STOX2: variants seen among roughly 807,000 people sequenced by gnomAD.
The protein encoded by STOX2 is storkhead-box protein 2.
A neutral mutation model predicts 60.9 loss-of-function variants in STOX2; 28 were observed. The ratio of observed to expected loss-of-function variants is 0.46; its 90% CI spans 0.34 to 0.63. STOX2 has a LOEUF of 0.63. Ranked by LOEUF, STOX2 falls within the 30% of genes least tolerant of loss-of-function variation. The pLI, the probability that STOX2 is intolerant of heterozygous loss-of-function variation, is 0.01. For synonymous variants in STOX2, 472 were observed against 463.9 expected (o/e 1.02, Z -0.22); for missense variants, 1,024 against 1,187.7 (o/e 0.86, Z 2.03).
intron 2 of STOX2, among the ~76,000 whole-genome samples, chr4:184,003,363 C>T (rs534491854): frequency 6.6e-6 from 1 of 152,316 alleles, no homozygotes; most frequent in Non-Finnish European, 1.5e-5. Flanking sequence ...CAGCTGATAA[C>T]AATATCACTA....
At chr4:183,908,413 T>G (rs1394026756) in intron 1 of STOX2, among the ~76,000 whole-genome samples, 1 of 152,110 alleles carries the variant, frequency 6.6e-6, no homozygotes, top group Non-Finnish European at 1.5e-5. Flanking sequence ...TAATCCTGGG[T>G]TTCATGTACT....
chr4:183,968,197 A>G (rs1272596492), intron 1 of STOX2, among the ~76,000 whole-genome samples: 1 of 152,152 alleles, frequency 6.6e-6, no homozygotes, highest in Non-Finnish European at 1.5e-5. Flanking sequence ...ACGTTCAAAG[A>G]ACACTTCAAT....
At chr4:183,896,879 C>T (rs146226240) in intron 1 of STOX2, among the ~76,000 whole-genome samples, 23 of 152,158 alleles carry the variant, frequency 1.5e-4, no homozygotes, top group African/African-American at 5.5e-4. Context: ...TTTTGCTGAC[C>T]TTTTTTGAAT....
chr4:183,937,322 G>A (rs537519202), intron 1 of STOX2, among the ~76,000 whole-genome samples: 1 of 152,290 alleles, frequency 6.6e-6, no homozygotes, highest in Non-Finnish European at 1.5e-5. Context: ...TTCCTGTTTA[G>A]ACACAGCTTT....
intron 1 of STOX2, chr4:183,798,135 C>A: frequency 8.4e-7 from 1 of 1,195,360 alleles, no homozygotes; most frequent in South Asian, 4.3e-5. Flanking sequence ...GTGCCCCGCC[C>A]TGCCCCAGCC....
intron 2 of STOX2, among the ~76,000 whole-genome samples, chr4:184,006,063 A>G (rs1479524604): frequency 6.6e-6 from 1 of 152,184 alleles, no homozygotes; most frequent in Non-Finnish European, 1.5e-5. Flanking sequence ...TGTAGTCATA[A>G]TTCTATACAT....
At chr4:183,926,466 T>A (rs1056714608) in intron 1 of STOX2, among the ~76,000 whole-genome samples, 1 of 152,222 alleles carries the variant, frequency 6.6e-6, no homozygotes, top group Non-Finnish European at 1.5e-5. Flanking sequence ...AGGTTGGTAT[T>A]ATAATTATAT....
Position 184,010,931 on chromosome 4 carries a change from T to G in STOX2, c.2093T>G (p.Phe698Cys). 2.5e-6 allele frequency: 4 copies of G among 1,613,502 alleles called. No homozygotes were observed. The highest frequency in any genetic ancestry group is 3.4e-6 in the Non-Finnish European group (4 of 1,179,660). ...AGCTTGGACAAGAGGAAAGAGATAT[T>G]TAGCAAAGACACACTGTTCAAACCT... ...PSSLDKRKEI[F>C]SKDTLFKPLH... Residue 698 changes from phenylalanine (F) to cysteine (C), a missense_variant, in exon 3 of 4, where the codon TTT becomes TGT. Physicochemically the swap from Phe to Cys is radical, Grantham distance 205 (BLOSUM62 -2). Transcript: ENST00000308497. The surrounding 1 kb of genome is among the most constrained non-coding windows in gnomAD (Gnocchi z 4.5).
chr4:184,010,827 G>A lies in STOX2; in HGVS notation c.1989G>A (p.Gly663=). 2 of 1,590,594 alleles carry A rather than the reference G, an allele frequency of 1.3e-6. No individual in the cohort carries two copies. Among genetic ancestry groups the A allele is most frequent in the Non-Finnish European group, 1.7e-6 (2 of 1,168,542 alleles). The change falls in exon 3 of 4, where the codon GGG becomes GGA. Residue 663 remains glycine, a synonymous_variant. Transcript: ENST00000308497. The surrounding 1 kb of genome is among the most constrained non-coding windows in gnomAD (Gnocchi z 4.5). ...HKEESPKGPG[G]GPAASGGVAE... is the part of the protein sequence containing the mutation. ...AGGAGTCACCAAAAGGGCCGGGTGG[G>A]GGCCCCGCTGCTTCGGGAGGAGTGG...
rs1481681832 is a variant in STOX2, at chr4:183,847,668, G to A, written c.364+49613G>A. Among the ~76,000 whole-genome samples the A allele has an allele frequency of 3.3e-5, 5 of 152,108 alleles. No individual in the cohort carries two copies. The East Asian group carries it at 9.6e-4, about 29-fold the overall frequency. ...ATAGGAGGATCCTGGGGCCAGGGTA[G>A]GTTAAAATGCCATAAATCTCCCCTA... On this transcript the variant is annotated intron_variant, in intron 1 of 2. Coordinates refer to the STOX2 transcript ENST00000513034.
intron 2 of STOX2, among the ~76,000 whole-genome samples, chr4:184,002,943 A>T (rs1733660802): frequency 6.6e-6 from 1 of 152,178 alleles, no homozygotes; most frequent in Non-Finnish European, 1.5e-5. Flanking sequence ...ACATGAACCC[A>T]CCCTTGCAAC....
intron 1 of STOX2, among the ~76,000 whole-genome samples, chr4:183,874,502 T>G (rs1238271313): frequency 1.3e-5 from 2 of 152,214 alleles, no homozygotes; most frequent in Admixed American, 1.3e-4. Flanking sequence ...GACTGAAGAT[T>G]ATTAATGAGC....
In STOX2 at chr4:184,009,136, GTTT is replaced by G. The variant is rs34402224; in HGVS notation, c.320-6_320-4del. On this transcript the variant is annotated intron_variant, in intron 2 of 3. Coordinates refer to ENST00000308497, the MANE Select transcript of STOX2 (RefSeq NM_020225.3). This position sits in a 1 kb window ranked among gnomAD's most constrained non-coding sequence, Gnocchi z 4.0. ...TGTTCTGTCTTCATTCTCACAAGTG[GTTT>G]TTTTTTTTTTTTTTTCAGGTGTTCC... The G allele has an allele frequency of 5.5e-4, 391 of 715,194 alleles. No homozygotes were observed. The highest frequency in any genetic ancestry group is 1.8e-3 in the Middle Eastern group (5 of 2,798). 44.3% of individuals were successfully genotyped at this position (715,194 alleles called of 1,614,324 possible).
rs532090874 is a variant in STOX2, at chr4:183,995,728, G to A, written c.167-5597G>A. 2.3e-4 allele frequency among the ~76,000 whole-genome samples: 35 copies of A among 152,304 alleles called. 1 individual carries two copies. The highest frequency in any genetic ancestry group is 2.0e-3 in the Admixed American group (30 of 15,302). On this transcript the variant is annotated intron_variant, in intron 1 of 3. Transcript: ENST00000308497. ...TGTATGAAAACAGGGGCAGTGCCTC[G>A]TCACCGTCAAGAATAAGATCTAAGC...
At chr4:183,952,242 G>A (rs771316067) in intron 1 of STOX2, among the ~76,000 whole-genome samples, 1 of 152,142 alleles carries the variant, frequency 6.6e-6, no homozygotes, top group Non-Finnish European at 1.5e-5. Flanking sequence ...TTTGTTCTGC[G>A]TACTTTGAAA....
intron 1 of STOX2, among the ~76,000 whole-genome samples, chr4:183,817,940 C>T (rs1489176972): frequency 3.9e-5 from 6 of 152,036 alleles, no homozygotes; most frequent in Admixed American, 2.0e-4. Context: ...CTGTTCTCCC[C>T]ACCTCACGCA....
chr4:183,947,738 C>T (rs1440486545), intron 1 of STOX2, among the ~76,000 whole-genome samples: 1 of 152,162 alleles, frequency 6.6e-6, no homozygotes, highest in Non-Finnish European at 1.5e-5. Context: ...TTGTCATCTT[C>T]TCTGTTGTGT....
rs891115095 is a variant in STOX2 at position 183,992,620 on chromosome 4, T to C, written c.167-8705T>C. ...CTTGTTGGTCAGGTGCTTTACAGAA[T>C]TTCAGGACATCTGGGAGATCTTACT... On this transcript the variant is annotated intron_variant, in intron 1 of 3. Coordinates refer to ENST00000308497, the MANE Select transcript of STOX2 (RefSeq NM_020225.3). Among the ~76,000 whole-genome samples, 4 of 152,236 alleles carry C rather than the reference T, an allele frequency of 2.6e-5. No individual in the cohort carries two copies. In the South Asian group the frequency reaches 8.3e-4, roughly 31 times the overall value.
chr4:183,982,167 A>T (rs1732678508), intron 1 of STOX2, among the ~76,000 whole-genome samples: 1 of 152,184 alleles, frequency 6.6e-6, no homozygotes, highest in Admixed American at 6.5e-5. Flanking sequence ...GATGTACTAG[A>T]TGTTTTTCTG....
Sources: gnomAD v4.1 joint callset for allele counts (sites outside exome capture counted in the v4.1 genomes callset) on GRCh38, gnomAD v4.1.1 for gene constraint, Gnocchi (gnomAD v3.1) non-coding constraint, MANE v1.5 for transcripts, NCBI Gene and HGNC (gene_info 2026-07-23, HGNC 2026-07-21) for gene names.